SORT1: variants seen among roughly 807,000 people sequenced by gnomAD.
SORT1 encodes the protein sortilin 1.
Under a neutral mutation model 101.7 loss-of-function variants are expected in SORT1, and 39 were observed. The ratio of observed to expected loss-of-function variants is 0.38; its 90% CI spans 0.30 to 0.50. The LOEUF is 0.50. Ranked by LOEUF, SORT1 falls within the 20% of genes least tolerant of loss-of-function variation. SORT1 has a pLI of 0.90. For missense variants in SORT1, 878 were observed against 1,040.4 expected (o/e 0.84, Z 2.15); for synonymous variants, 396 against 393.7 (o/e 1.01, Z -0.07).
chr1:109,385,185 C>G (rs1257972834), intron 1 of SORT1, among the ~76,000 whole-genome samples: 2 of 152,102 alleles, frequency 1.3e-5, no homozygotes, highest in Non-Finnish European at 2.9e-5. Flanking sequence ...GAGTTGGTGC[C>G]CTCATGATAT....
rs1557770858 is a variant in SORT1, at chr1:109,310,354, T to G, written c.*3689A>C. On this transcript the variant is annotated 3_prime_UTR_variant, in exon 20 of 20. Coordinates refer to ENST00000256637, the MANE Select transcript of SORT1 (RefSeq NM_002959.7). ...ATGCTCCTGCTATTTCAATGATGCTTCATGAGGGCAAGGCCTGGGCTCTGC... is the reference window on the plus strand; with the variant it reads ...ATGCTCCTGCTATTTCAATGATGCTGCATGAGGGCAAGGCCTGGGCTCTGC... 1 of 153,968 alleles carries G rather than the reference T, an allele frequency of 6.5e-6. No individual in the cohort carries two copies. The highest frequency in any genetic ancestry group is 1.9e-4 in the East Asian group (1 of 5,194). The allele number at this position is 153,968 out of a possible 1,614,324, so 9.5% of individuals were successfully genotyped here.
At chr1:109,347,408 T>C in intron 7 of SORT1, 75 bp downstream of exon 7, 1 of 973,696 alleles carries the variant, frequency 1.0e-6, no homozygotes, top group Non-Finnish European at 1.6e-6. Flanking sequence ...TTTATGTTTC[T>C]ACCTTGCACA....
intron 3 of SORT1, among the ~76,000 whole-genome samples, chr1:109,365,604 A>T (rs1479211783): frequency 1.3e-5 from 2 of 152,350 alleles, no homozygotes; most frequent in East Asian, 3.8e-4. Context: ...TCCTATATTT[A>T]AAAAAATTTA....
At chr1:109,388,299 G>A (rs981073984) in intron 1 of SORT1, among the ~76,000 whole-genome samples, 22 of 151,864 alleles carry the variant, frequency 1.4e-4, no homozygotes, top group Admixed American at 1.2e-3. Flanking sequence ...ATGCAGCGGC[G>A]CAATCATAGC....
chr1:109,317,880 C>T lies in SORT1; in HGVS notation c.2114G>A (p.Gly705Glu). The change falls in exon 16 of 20, where the codon GGA becomes GAA. Residue 705 changes from glycine to glutamate, a missense_variant. Physicochemically the swap from Gly to Glu is moderately conservative, Grantham distance 98. Transcript: ENST00000256637. The stretch of plus-strand genomic sequence containing the variant: ...ATTTGTTGTTAGGTGTTCTTCTCTT[C>T]CGTACAGACAAAACTCCAGGTCGTG... ...KGHDLEFCLY[G>E]REEHLTTNGY... 1 of 1,613,678 alleles carries T rather than the reference C, an allele frequency of 6.2e-7. No individual in the cohort carries two copies. Among genetic ancestry groups the T allele is most frequent in the Non-Finnish European group, 8.5e-7 (1 of 1,179,548 alleles).
chr1:109,375,154 T>G (rs556439802), intron 1 of SORT1, among the ~76,000 whole-genome samples: 44 of 152,222 alleles, frequency 2.9e-4, no homozygotes, highest in Non-Finnish European at 5.1e-4. Flanking sequence ...TTCTTAAAGT[T>G]GTTCTACAGC....
rs1658839289 is a variant in SORT1, at chr1:109,313,408, G to A, written c.*635C>T. 1 of 152,780 alleles carries A rather than the reference G, an allele frequency of 6.5e-6. No individual in the cohort carries two copies. The highest frequency in any genetic ancestry group is 2.1e-4 in the South Asian group (1 of 4,828). The allele number at this position is 152,780 out of a possible 1,614,324, so 9.5% of individuals were successfully genotyped here. A position where few individuals can be genotyped will look rare whatever the true frequency, so the allele number is the denominator to read the frequency against. On this transcript the variant is annotated 3_prime_UTR_variant, in exon 20 of 20. Coordinates refer to ENST00000256637, the MANE Select transcript of SORT1 (RefSeq NM_002959.7). Reference sequence around the variant, plus strand: ...TTAGTTGCCAAAGGGCAATTAACAAGGGTATTGCCTAATTAAACAAGGGAA... The same window carrying A: ...TTAGTTGCCAAAGGGCAATTAACAAAGGTATTGCCTAATTAAACAAGGGAA...
chr1:109,320,526 G>A (rs59030502), intron 15 of SORT1, among the ~76,000 whole-genome samples: 3,612 of 152,218 alleles, frequency 0.024, 150 homozygotes, highest in African/African-American at 0.083. Flanking sequence ...GTCTCTGCTT[G>A]CAGCAGTCCA....
intron 1 of SORT1, among the ~76,000 whole-genome samples, chr1:109,370,461 AAAAAAT>A (rs1489573760): frequency 9.9e-5 from 15 of 152,166 alleles, no homozygotes; most frequent in Admixed American, 2.6e-4. Flanking sequence ...TAACTGATAA[AAAAAAT>A]AAAAATTCCA....
At position 109,314,074 on chromosome 1, in the gene SORT1, C is replaced by T. The variant is rs199622109; in HGVS notation, c.2482-17G>A. On this transcript the variant is annotated splice_polypyrimidine_tract_variant and intron_variant, in intron 19 of 19. Coordinates refer to ENST00000256637, the MANE Select transcript of SORT1 (RefSeq NM_002959.7). Reference sequence around the variant, plus strand: ...CAAGAGGTCCTGAAAAAGACATGCACCATATTACCGACAGACCACAACACT... The same window carrying T: ...CAAGAGGTCCTGAAAAAGACATGCATCATATTACCGACAGACCACAACACT... 5.0e-6 allele frequency: 8 copies of T among 1,614,054 alleles called. No individual in the cohort carries two copies. Among genetic ancestry groups the T allele is most frequent in the Non-Finnish European group, 6.8e-6 (8 of 1,179,912 alleles).
In SORT1 at chr1:109,354,485, A is replaced by G. The variant is rs769940088; in HGVS notation, c.590T>C (p.Ile197Thr). Reference sequence around the variant, plus strand: ...CTTCGCAAAATCTGATGATCTAAAGATTCTTCCTCCACGACTTCCTCCAGA... The same window carrying G: ...CTTCGCAAAATCTGATGATCTAAAGGTTCTTCCTCCACGACTTCCTCCAGA... The part of the protein sequence containing the change: ...EVSGGSRGGR[I>T]FRSSDFAKNF... The change falls in exon 5 of 20, where the codon ATC becomes ACC. Residue 197 changes from isoleucine (I) to threonine (T), a missense_variant. Physicochemically the swap from Ile to Thr is moderately conservative, Grantham distance 89 (BLOSUM62 -1). Transcript: ENST00000256637. 1.9e-6 allele frequency: 3 copies of G among 1,613,504 alleles called. No individual in the cohort carries two copies. The highest frequency in any genetic ancestry group is 2.5e-6 in the Non-Finnish European group (3 of 1,179,590).
intron 13 of SORT1, among the ~76,000 whole-genome samples, chr1:109,326,335 G>T (rs1178945380): frequency 6.8e-6 from 1 of 146,768 alleles, no homozygotes; most frequent in Non-Finnish European, 1.5e-5. Flanking sequence ...TTACAGGTGT[G>T]TGCCTCTGCA....
intron 10 of SORT1, among the ~76,000 whole-genome samples, chr1:109,339,115 G>A (rs1649042628): frequency 6.6e-6 from 1 of 152,094 alleles, no homozygotes; most frequent in Admixed American, 6.5e-5. Context: ...CTGACCTCAT[G>A]ATCCACCTGC....
intron 10 of SORT1, among the ~76,000 whole-genome samples, chr1:109,337,522 T>A (rs1648915514): frequency 6.6e-6 from 1 of 152,094 alleles, no homozygotes; most frequent in Non-Finnish European, 1.5e-5. Flanking sequence ...GGATTACAGG[T>A]GTGAGCCACT....
At chr1:109,382,216 A>G (rs538550728) in intron 1 of SORT1, among the ~76,000 whole-genome samples, 62 of 152,164 alleles carry the variant, frequency 4.1e-4, no homozygotes, top group South Asian at 1.7e-3. Context: ...GCTCACTGCA[A>G]CCTCCACCTT....
intron 1 of SORT1, among the ~76,000 whole-genome samples, chr1:109,382,480 T>C (rs1244350058): frequency 1.3e-5 from 2 of 152,154 alleles, no homozygotes; most frequent in African/African-American, 2.4e-5. Flanking sequence ...TTAACAGATA[T>C]ACCAGAAGGT....
Position 109,327,615 on chromosome 1 carries a change from C to T in SORT1, c.1372-14G>A, listed in dbSNP as rs755704671. The T allele has an allele frequency of 2.3e-5, 34 of 1,488,790 alleles. No individual in the cohort carries two copies. In the South Asian group the frequency reaches 4.0e-4, roughly 18 times the overall value. 92.2% of individuals were successfully genotyped at this position (1,488,790 alleles called of 1,614,324 possible). On this transcript the variant is annotated splice_polypyrimidine_tract_variant and intron_variant, in intron 11 of 19. Coordinates refer to ENST00000256637, the MANE Select transcript of SORT1 (RefSeq NM_002959.7). Reference sequence around the variant, plus strand: ...ATGAAGGCTGCACTGTGAAAAGAAACAAAAGCGTAGATTAGAACCAAAGAT... The same window carrying T: ...ATGAAGGCTGCACTGTGAAAAGAAATAAAAGCGTAGATTAGAACCAAAGAT...
At chr1:109,333,479 A>G (rs1648595011) in intron 11 of SORT1, among the ~76,000 whole-genome samples, 1 of 152,216 alleles carries the variant, frequency 6.6e-6, no homozygotes, top group Non-Finnish European at 1.5e-5. Flanking sequence ...GAAGACAAAC[A>G]ATACACAGAA....
intron 7 of SORT1, 115 bp from the exon 8 acceptor site, chr1:109,345,996 G>C: frequency 3.5e-6 from 3 of 851,984 alleles, no homozygotes; most frequent in Non-Finnish European, 5.5e-6. Flanking sequence ...TACTATGCAT[G>C]TTAATCAAGT....
Sources: allele counts gnomAD v4.1 joint callset (sites outside exome capture counted in the v4.1 genomes callset), GRCh38; gene constraint gnomAD v4.1.1; transcripts MANE v1.5; gene names NCBI Gene and HGNC (gene_info 2026-07-23, HGNC 2026-07-21).